DLG2: variants seen among roughly 807,000 people sequenced by gnomAD.
The protein encoded by DLG2 is disks large homolog 2.
In DLG2, 45 loss-of-function variants were observed where a neutral mutation model predicts 132.5. The ratio of observed to expected loss-of-function variants is 0.34; its 90% CI spans 0.27 to 0.44. The LOEUF (loss-of-function observed/expected upper bound fraction) is 0.44. Ranked by LOEUF, DLG2 falls within the 20% of genes least tolerant of loss-of-function variation. The pLI is 1.00. For synonymous variants in DLG2, 424 were observed against 419.6 expected, an observed-to-expected ratio of 1.01 and a Z score of -0.13; for missense variants, 1,045 against 1,196.9, an observed-to-expected ratio of 0.87 and a Z score of 1.87.
intron 4 of DLG2, among the ~76,000 whole-genome samples, chr11:85,193,736 T>C (rs2080811707): frequency 6.6e-6 from 1 of 152,256 alleles, no homozygotes; most frequent in Non-Finnish European, 1.5e-5. Flanking sequence ...GTATTTTTAT[T>C]GTTGACTTGT....
chr11:85,563,161 G>A (rs2153224120), intron 3 of DLG2, among the ~76,000 whole-genome samples: 1 of 151,812 alleles, frequency 6.6e-6, no homozygotes. Context: ...GTAAACTTGA[G>A]CAAGCAGCTT....
chr11:83,806,271 G>C (rs2045887450), intron 17 of DLG2, among the ~76,000 whole-genome samples: 1 of 152,050 alleles, frequency 6.6e-6, no homozygotes, highest in East Asian at 1.9e-4. Context: ...AGTAATGCAA[G>C]CTCATTTTAA....
chr11:83,502,028 AT>A (rs2094470372), intron 21 of DLG2, among the ~76,000 whole-genome samples: 1 of 152,236 alleles, frequency 6.6e-6, no homozygotes, highest in East Asian at 1.9e-4. Flanking sequence ...GTGGAACCAA[AT>A]AGATAAAAAG....
chr11:83,516,433 G>A (rs527742679), intron 21 of DLG2, among the ~76,000 whole-genome samples: 1 of 152,106 alleles, frequency 6.6e-6, no homozygotes, highest in Non-Finnish European at 1.5e-5. Context: ...CACATAAGAT[G>A]GGTTTCCTGA....
At chr11:83,825,542 G>A (rs1165762302) in intron 17 of DLG2, among the ~76,000 whole-genome samples, 1 of 152,048 alleles carries the variant, frequency 6.6e-6, no homozygotes, top group African/African-American at 2.4e-5. Flanking sequence ...CAATGGGGAT[G>A]CTGTTTAAGT....
At chr11:84,679,956 A>G (rs1010511834) in intron 6 of DLG2, among the ~76,000 whole-genome samples, 1 of 152,260 alleles carries the variant, frequency 6.6e-6, no homozygotes, top group East Asian at 1.9e-4. Flanking sequence ...ATTGGAGCTT[A>G]CAATTTAGCT....
chr11:84,502,211 CTT>C (rs2099211994), intron 7 of DLG2, among the ~76,000 whole-genome samples: 1 of 1,674 alleles, frequency 6.0e-4, no homozygotes, highest in Admixed American at 3.9e-3. Context: ...TCCTTCCTTC[CTT>C]CCTTCCTTCC....
At chr11:83,694,981 A>T (rs1359706212) in intron 18 of DLG2, among the ~76,000 whole-genome samples, 1 of 152,224 alleles carries the variant, frequency 6.6e-6, no homozygotes. Flanking sequence ...TTGCATTACC[A>T]ATATGCTGAT....
At position 84,285,694 on chromosome 11, in the gene DLG2, C is replaced by A. The variant is rs191404279; in HGVS notation, c.520-34403G>T. On this transcript the variant is annotated intron_variant, in intron 7 of 27. Transcript: ENST00000376104. ...GGAAACAAAAGTAGGCCCAGCTGAG[C>A]ACCACTGCCCTATACCTTACTCACG... Among the ~76,000 whole-genome samples, 280 of 152,316 alleles carry A rather than the reference C, an allele frequency of 1.8e-3. 2 individuals carry two copies. The highest frequency in any genetic ancestry group is 0.01 in the Middle Eastern group (3 of 294).
chr11:85,020,728 A>T (rs2059980966), intron 6 of DLG2: 3 of 610,906 alleles, frequency 4.9e-6, no homozygotes, highest in Admixed American at 3.8e-5. Context: ...ATATGTGGAA[A>T]GCTGAAACTG....
chr11:84,758,161 T>G (rs1441854780), intron 6 of DLG2, among the ~76,000 whole-genome samples: 1 of 152,262 alleles, frequency 6.6e-6, no homozygotes, highest in African/African-American at 2.4e-5. Context: ...AAGGATTGTT[T>G]CAGTTAAATT....
intron 3 of DLG2, among the ~76,000 whole-genome samples, chr11:85,421,468 TAAG>T (rs1347879327): frequency 6.6e-6 from 1 of 151,546 alleles, no homozygotes. Context: ...TCATCTGACA[TAAG>T]AATAGCTACT....
chr11:85,052,609 T>C (rs1389020433), intron 6 of DLG2, among the ~76,000 whole-genome samples: 1 of 152,202 alleles, frequency 6.6e-6, no homozygotes, highest in Non-Finnish European at 1.5e-5. Flanking sequence ...TTTGGCAATG[T>C]AATGACTGAT....
chr11:84,041,362 T>C (rs1236234283), intron 11 of DLG2, among the ~76,000 whole-genome samples: 1 of 151,946 alleles, frequency 6.6e-6, no homozygotes, highest in African/African-American at 2.4e-5. Flanking sequence ...AAAGATATTT[T>C]GGTATTGCTC....
At chr11:85,429,296 A>G (rs1056508476) in intron 3 of DLG2, among the ~76,000 whole-genome samples, 1 of 152,196 alleles carries the variant, frequency 6.6e-6, no homozygotes, top group African/African-American at 2.4e-5. Flanking sequence ...TCATCCTGTT[A>G]CCAAAGCCTG....
chr11:85,557,609 A>G (rs2077008118), intron 3 of DLG2, among the ~76,000 whole-genome samples: 1 of 151,886 alleles, frequency 6.6e-6, no homozygotes, highest in African/African-American at 2.4e-5. Context: ...GAACAGACAC[A>G]TAGGCCACTG....
chr11:84,920,281 T>C (rs1002490262), intron 6 of DLG2, among the ~76,000 whole-genome samples: 6 of 152,210 alleles, frequency 3.9e-5, no homozygotes, highest in Non-Finnish European at 8.8e-5. Context: ...CTCTTTGAAG[T>C]GCTCTGCTTC....
rs374348033 is a variant in DLG2 at position 84,090,243 on chromosome 11, G to A, written c.749+8680C>T. ...AGCCTGGCCAACATGGTGAAACCCC[G>A]TCTCTACTAAAAATGCAAAAATTAG... On this transcript the variant is annotated intron_variant, in intron 10 of 27. Transcript: ENST00000376104. Among the ~76,000 whole-genome samples, 32 of 151,782 alleles carry A rather than the reference G, an allele frequency of 2.1e-4. No individual in the cohort carries two copies. In the East Asian group the frequency reaches 5.7e-3, roughly 27 times the overall value.
intron 11 of DLG2, among the ~76,000 whole-genome samples, chr11:83,981,831 T>C (rs2092806895): frequency 6.6e-6 from 1 of 152,232 alleles, no homozygotes; most frequent in Non-Finnish European, 1.5e-5. Flanking sequence ...TTTTAAGAGA[T>C]GATTTTCACT....
Sources: allele counts gnomAD v4.1 joint callset (sites outside exome capture counted in the v4.1 genomes callset), GRCh38; gene constraint gnomAD v4.1.1; transcripts MANE v1.5; gene names NCBI Gene and HGNC (gene_info 2026-07-23, HGNC 2026-07-21).